SHANK2: variants seen among roughly 807,000 people sequenced by gnomAD.
SHANK2 encodes the protein SH3 and multiple ankyrin repeat domains protein 2.
In SHANK2, 43 loss-of-function variants were observed where a neutral mutation model predicts 133.7. The ratio of observed to expected loss-of-function variants is 0.32; its 90% CI spans 0.25 to 0.41. The LOEUF is 0.41. Ranked by LOEUF, SHANK2 falls within the 10% of genes least tolerant of loss-of-function variation. The pLI, the probability that SHANK2 is intolerant of heterozygous loss-of-function variation, is 1.00. For synonymous variants in SHANK2, 1,017 were observed against 952.8 expected, an observed-to-expected ratio of 1.07 and a Z score of -1.24; for missense variants, 1,994 against 2,235.8, an observed-to-expected ratio of 0.89 and a Z score of 2.18.
chr11:70,508,116 C>T (rs536049335), intron 17 of SHANK2, among the ~76,000 whole-genome samples: 2 of 152,358 alleles, frequency 1.3e-5, no homozygotes, highest in South Asian at 4.1e-4. Flanking sequence ...GAGAACCTGG[C>T]CGCACTGACA....
chr11:70,760,697 G>A (rs570729750), intron 14 of SHANK2, among the ~76,000 whole-genome samples: 1 of 152,232 alleles, frequency 6.6e-6, no homozygotes, highest in Admixed American at 6.5e-5. Flanking sequence ...AGGCCCCATG[G>A]TGGCTGCTCC....
chr11:70,952,822 C>T (rs1950864838), intron 10 of SHANK2: 1 of 412,796 alleles, frequency 2.4e-6, no homozygotes, highest in Non-Finnish European at 5.1e-6. Flanking sequence ...CTTTCTGTGG[C>T]TGTGGGAACA....
intron 14 of SHANK2, among the ~76,000 whole-genome samples, chr11:70,796,456 T>C (rs1453387726): frequency 6.6e-6 from 1 of 152,192 alleles, no homozygotes; most frequent in African/African-American, 2.4e-5. Context: ...GCAGCCAGTG[T>C]GGCTCTGAAG....
At chr11:70,890,879 G>A (rs1158731175) in intron 11 of SHANK2, among the ~76,000 whole-genome samples, 35 of 151,660 alleles carry the variant, frequency 2.3e-4, no homozygotes, top group African/African-American at 6.3e-4. Flanking sequence ...CAGGAGAATC[G>A]CTTGAACCCG....
At chr11:70,926,476 C>T (rs1479541950) in intron 10 of SHANK2, among the ~76,000 whole-genome samples, 1 of 152,176 alleles carries the variant, frequency 6.6e-6, no homozygotes, top group African/African-American at 2.4e-5. Flanking sequence ...GCCAATGGCA[C>T]TATGACTCAG....
intron 3 of SHANK2, among the ~76,000 whole-genome samples, chr11:71,127,173 G>A (rs2135310038): frequency 6.6e-6 from 1 of 152,302 alleles, no homozygotes; most frequent in East Asian, 1.9e-4. Context: ...GGCTGACGAT[G>A]GGACTGAATT....
intron 11 of SHANK2, among the ~76,000 whole-genome samples, chr11:70,831,809 G>A (rs1024987986): frequency 2.6e-5 from 4 of 152,216 alleles, no homozygotes; most frequent in Non-Finnish European, 5.9e-5. Context: ...TCAGACGCCC[G>A]CCTCCACTTG....
At position 70,867,003 on chromosome 11, in the gene SHANK2, T is replaced by C. The variant is rs556132597; in HGVS notation, c.1174+29498A>G. Reference sequence around the variant, plus strand: ...CAGCAGACAAGGCCTGGGGCTGACATTCCATGAAGCCAGGAGCCAAACGAA... The same window carrying C: ...CAGCAGACAAGGCCTGGGGCTGACACTCCATGAAGCCAGGAGCCAAACGAA... On this transcript the variant is annotated intron_variant, in intron 11 of 25. Coordinates refer to ENST00000601538, the MANE Select transcript of SHANK2 (RefSeq NM_012309.5). Among the ~76,000 whole-genome samples the C allele has an allele frequency of 7.3e-5, 11 of 151,512 alleles. 1 individual carries two copies. The highest frequency in any genetic ancestry group is 5.9e-4 in the Admixed American group (9 of 15,204).
At chr11:70,706,747 G>GAA (rs782387298) in intron 14 of SHANK2, among the ~76,000 whole-genome samples, 1 of 138,942 alleles carries the variant, frequency 7.2e-6, no homozygotes, top group African/African-American at 2.7e-5. Context: ...ACACTGAAAG[G>GAA]AAAAAAAAAA....
At chr11:70,697,715 G>A (rs1392470334) in intron 15 of SHANK2, among the ~76,000 whole-genome samples, 2 of 152,102 alleles carry the variant, frequency 1.3e-5, no homozygotes, top group African/African-American at 4.8e-5. Context: ...CGAGTGCAGG[G>A]GTCTGGGCTG....
chr11:70,549,197 C>A lies in SHANK2; in HGVS notation c.2062-46266G>T, dbSNP rs12574624. ...ACCACACAGGCCCTGAGACCATGGT[C>A]CGACTTACGTAGGTACTTATCACAG... On this transcript the variant is annotated intron_variant, in intron 17 of 25. Coordinates refer to ENST00000601538, the MANE Select transcript of SHANK2 (RefSeq NM_012309.5). Among the ~76,000 whole-genome samples, 23 of 152,320 alleles carry A rather than the reference C, an allele frequency of 1.5e-4. No individual in the cohort carries two copies. The East Asian group carries it at 4.2e-3, about 28-fold the overall frequency.
chr11:70,761,369 C>G (rs1430777894), intron 14 of SHANK2, among the ~76,000 whole-genome samples: 6 of 152,152 alleles, frequency 3.9e-5, no homozygotes, highest in African/African-American at 1.4e-4. Flanking sequence ...GGGACTTTCA[C>G]TCTCCAGCAC....
chr11:70,633,151 T>C (rs1424140834), intron 17 of SHANK2, among the ~76,000 whole-genome samples: 1 of 149,998 alleles, frequency 6.7e-6, no homozygotes, highest in Admixed American at 6.7e-5. Flanking sequence ...ATGTATGTTA[T>C]ATATAACATA....
intron 15 of SHANK2, among the ~76,000 whole-genome samples, chr11:70,689,903 T>G (rs1945238890): frequency 6.6e-6 from 1 of 152,218 alleles, no homozygotes; most frequent in Non-Finnish European, 1.5e-5. Flanking sequence ...CTCTAAGCCA[T>G]GAGTAGAGAC....
intron 11 of SHANK2, among the ~76,000 whole-genome samples, chr11:70,856,617 C>T (rs568676830): frequency 1.2e-4 from 19 of 152,172 alleles, no homozygotes; most frequent in South Asian, 1.0e-3. Context: ...GCAACCTTCC[C>T]CTCTTGGACT....
At chr11:70,488,150 G>T (rs186654093) in intron 24 of SHANK2, among the ~76,000 whole-genome samples, 1 of 152,324 alleles carries the variant, frequency 6.6e-6, no homozygotes, top group Non-Finnish European at 1.5e-5. Flanking sequence ...GGGTTGGCTA[G>T]ACCAGGAGGT....
At chr11:71,142,020 T>C (rs1376580883) in intron 3 of SHANK2, among the ~76,000 whole-genome samples, 1 of 150,480 alleles carries the variant, frequency 6.6e-6, no homozygotes, top group Admixed American at 6.6e-5. Context: ...CCGAGAATGC[T>C]TGATGCCAGG....
chr11:71,236,415 C>T (rs1954826758), intron 1 of SHANK2, among the ~76,000 whole-genome samples: 1 of 152,182 alleles, frequency 6.6e-6, no homozygotes, highest in Admixed American at 6.5e-5. Flanking sequence ...AGTTCTAGAC[C>T]AGCCTGGCCA....
At chr11:71,137,847 C>T (rs1271129237) in intron 3 of SHANK2, among the ~76,000 whole-genome samples, 1 of 152,236 alleles carries the variant, frequency 6.6e-6, no homozygotes, top group East Asian at 1.9e-4. Flanking sequence ...AGACACCCAG[C>T]TCTCACCTTG....
Sources: gnomAD v4.1 joint callset for allele counts (sites outside exome capture counted in the v4.1 genomes callset) on GRCh38, gnomAD v4.1.1 for gene constraint, MANE v1.5 for transcripts, NCBI Gene and HGNC (gene_info 2026-07-23, HGNC 2026-07-21) for gene names.